The following ROS1 variants were observed in gnomAD, a reference collection of about 807,000 sequenced individuals.
ROS1 encodes the protein proto-oncogene tyrosine-protein kinase ROS.
ROS1 carries 263 observed loss-of-function variants against 273.5 expected under a neutral mutation model. The ratio of observed to expected loss-of-function variants is 0.96; its 90% CI spans 0.87 to 1.06. The LOEUF (loss-of-function observed/expected upper bound fraction) is 1.06, where lower values mean the gene tolerates loss of function less well. ROS1 is among the 50% of genes least tolerant of loss of function. The probability of loss-of-function intolerance (pLI) is 0.00; values close to 1 mark genes in which losing one functional copy is unlikely to be tolerated. For missense variants in ROS1, 2,833 were observed against 2,751.1 expected, an observed-to-expected ratio of 1.03 and a Z score of -0.67; for synonymous variants, 1,008 against 954.1, an observed-to-expected ratio of 1.06 and a Z score of -1.04.
chr6:117,349,516 TCAAA>T lies in ROS1; in HGVS notation c.4303+3470_4303+3473del, dbSNP rs560081602. The stretch of plus-strand genomic sequence containing the variant: ...TAGTTGAGTCTGTTTGTTGATCCAC[TCAAA>T]CAACTTCTGTCTTTTAGTTGGTGTA... On this transcript the variant is annotated intron_variant, in intron 27 of 43. Transcript: ENST00000368507. Among the ~76,000 whole-genome samples, 380 of 152,154 alleles carry T rather than the reference TCAAA, an allele frequency of 2.5e-3. 3 individuals carry two copies. The highest frequency in any genetic ancestry group is 8.7e-3 in the African/African-American group (362 of 41,578).
chr6:117,425,424 T>C, intron 1 of ROS1, 110 bp downstream of exon 1: 1 of 1,120,726 alleles, frequency 8.9e-7, no homozygotes, highest in Non-Finnish European at 1.2e-6. Context: ...TTGCCACCAC[T>C]TCTCATAAGA....
At position 117,362,609 on chromosome 6, in the gene ROS1, G is replaced by A. The variant is rs1779894348; in HGVS notation, c.3360C>T (p.Ala1120=). ...LEGMSPRCFI[A]FQVRAFTSKG... ...TCTGTTTTCTCTCTCATACCTGGAA[G>A]GCAATAAAGCATCTGGGACTCATGC... The change falls in exon 22 of 44, where the codon GCC becomes GCT. Residue 1120 remains alanine, a synonymous_variant. Coordinates refer to ENST00000368507, the MANE Select transcript of ROS1 (RefSeq NM_001378902.1). 1 of 1,612,098 alleles carries A rather than the reference G, an allele frequency of 6.2e-7. No individual in the cohort carries two copies. Among genetic ancestry groups the A allele is most frequent in the Non-Finnish European group, 8.5e-7 (1 of 1,179,218 alleles).
intron 25 of ROS1, among the ~76,000 whole-genome samples, 185 bp from the exon 26 acceptor site, chr6:117,357,100 T>C (rs901976388): frequency 1.3e-5 from 2 of 152,234 alleles, no homozygotes; most frequent in Non-Finnish European, 2.9e-5. Flanking sequence ...GTCTAACTTG[T>C]AGCATTTCCA....
Position 117,416,300 on chromosome 6 carries a change from G to A in ROS1, c.186C>T (p.His62=). The change falls in exon 3 of 44, where the codon CAC becomes CAT. Residue 62 remains histidine (H), a synonymous_variant. Transcript: ENST00000368507. ...NLSEPCIQGC[H]FWNSVDQKNC... is the part of the protein sequence containing the mutation. ...TTTTCTGATCTACAGAGTTCCAAAAGTGACATCCTTGGATACACTGCAAGA... is the reference window on the plus strand; with the variant it reads ...TTTTCTGATCTACAGAGTTCCAAAAATGACATCCTTGGATACACTGCAAGA... The A allele has an allele frequency of 6.2e-7, 1 of 1,602,792 alleles. No individual in the cohort carries two copies. The highest frequency in any genetic ancestry group is 1.1e-5 in the South Asian group (1 of 90,818).
intron 34 of ROS1, 80 bp from the exon 35 acceptor site, chr6:117,324,495 A>G: frequency 1.5e-6 from 1 of 662,088 alleles, no homozygotes; most frequent in East Asian, 2.9e-5. Flanking sequence ...CACACAGAGT[A>G]ATATAGCAGA....
At chr6:117,313,993 G>C (rs76445734) in intron 39 of ROS1, among the ~76,000 whole-genome samples, 58 of 152,108 alleles carry the variant, frequency 3.8e-4, no homozygotes, top group East Asian at 1.2e-3. Context: ...GTGCATGTGA[G>C]AACCAATCTT....
chr6:117,406,804 CTG>C (rs1283853135), intron 5 of ROS1, among the ~76,000 whole-genome samples: 1 of 152,114 alleles, frequency 6.6e-6, no homozygotes, highest in African/African-American at 2.4e-5. Context: ...AAAGATAAAA[CTG>C]TATATTTATT....
chr6:117,394,635 A>G lies in ROS1; in HGVS notation c.987T>C (p.Ala329=), dbSNP rs1298884292. Residue 329 remains alanine, a synonymous_variant, in exon 10 of 44, where the codon GCT becomes GCC. Coordinates refer to ENST00000368507, the MANE Select transcript of ROS1 (RefSeq NM_001378902.1). ...VDEAHCLRLD[A]IYHNITGISV... ...ACTGACCTGTAATATTATGGTATAT[A>G]GCATCCAACCGAAGGCAATGTGCTT... 1 of 1,610,968 alleles carries G rather than the reference A, an allele frequency of 6.2e-7. No individual in the cohort carries two copies. The highest frequency in any genetic ancestry group is 1.7e-5 in the Admixed American group (1 of 59,920).
chr6:117,377,688 T>G (rs1417118414), intron 18 of ROS1, among the ~76,000 whole-genome samples: 2 of 151,928 alleles, frequency 1.3e-5, no homozygotes, highest in Non-Finnish European at 2.9e-5. Flanking sequence ...GCACAGAATA[T>G]AGAAAATGCA....
Position 117,366,079 on chromosome 6 carries a change from G to T in ROS1, c.2794C>A (p.Pro932Thr), listed in dbSNP as rs768716438. 15 of 1,610,024 alleles carry T rather than the reference G, an allele frequency of 9.3e-6. No individual in the cohort carries two copies. Among genetic ancestry groups the T allele is most frequent in the Non-Finnish European group, 1.2e-5 (14 of 1,176,236 alleles). The change falls in exon 19 of 44, where the codon CCA (proline) becomes ACA (threonine). Residue 932 changes from proline to threonine, a missense_variant. Transcript: ENST00000368507. Reference protein sequence around the residue: ...TIIQTSLKPLPGNFSFTPKVI... With the variant: ...TIIQTSLKPLTGNFSFTPKVI... ...AAGCAGGAATGAAATACTGTACCTG[G>T]CAGGGGCTTAAGGGATGTCTGAATA...
At chr6:117,329,909 T>G (rs1776950611) in intron 32 of ROS1, among the ~76,000 whole-genome samples, 1 of 152,108 alleles carries the variant, frequency 6.6e-6, no homozygotes, top group African/African-American at 2.4e-5. Flanking sequence ...ATGTACAGAT[T>G]CTTATGGCCT....
chr6:117,417,272 G>A (rs752011990), intron 2 of ROS1, among the ~76,000 whole-genome samples: 1 of 151,878 alleles, frequency 6.6e-6, no homozygotes, highest in Non-Finnish European at 1.5e-5. Flanking sequence ...TCCCATTAAC[G>A]CGTTACATTC....
intron 43 of ROS1, among the ~76,000 whole-genome samples, chr6:117,289,127 G>A (rs747817374): frequency 3.1e-4 from 47 of 152,224 alleles, no homozygotes; most frequent in South Asian, 4.1e-4. Context: ...CTTAACAAGC[G>A]GAGCAAGTCG....
chr6:117,336,753 T>A (rs1020202208), intron 32 of ROS1, among the ~76,000 whole-genome samples: 1 of 152,242 alleles, frequency 6.6e-6, no homozygotes, highest in Admixed American at 6.5e-5. Flanking sequence ...TCCATTCTTA[T>A]AGAGCTCATC....
intron 10 of ROS1, 113 bp from the exon 11 acceptor site, chr6:117,394,459 T>TA: frequency 1.2e-6 from 1 of 850,872 alleles, no homozygotes; most frequent in Non-Finnish European, 1.6e-6. Flanking sequence ...AGAAGTATTT[T>TA]ATTTTAAAAG....
intron 12 of ROS1, among the ~76,000 whole-genome samples, chr6:117,391,372 G>T (rs2128707598): frequency 1.3e-5 from 2 of 152,184 alleles, no homozygotes; most frequent in East Asian, 3.9e-4. Flanking sequence ...ATTGAAGCAG[G>T]GAGGAAGAGA....
At chr6:117,304,398 T>A (rs1198894621) in intron 42 of ROS1, among the ~76,000 whole-genome samples, 1 of 152,228 alleles carries the variant, frequency 6.6e-6, no homozygotes, top group African/African-American at 2.4e-5. Flanking sequence ...AAGCTGTGAT[T>A]CAAAAATATT....
At chr6:117,415,383 A>G (rs1470485337) in intron 3 of ROS1, among the ~76,000 whole-genome samples, 1 of 152,238 alleles carries the variant, frequency 6.6e-6, no homozygotes, top group African/African-American at 2.4e-5. Context: ...TTTAAATCTC[A>G]ATGTTATAAT....
At chr6:117,400,184 C>T (rs1773830039) in intron 7 of ROS1, among the ~76,000 whole-genome samples, 1 of 152,192 alleles carries the variant, frequency 6.6e-6, no homozygotes, top group Non-Finnish European at 1.5e-5. Context: ...CTTTTCTCTC[C>T]TCACCTCATG....
Sources: allele counts gnomAD v4.1 joint callset (sites outside exome capture counted in the v4.1 genomes callset), GRCh38; gene constraint gnomAD v4.1.1; transcripts MANE v1.5; gene names NCBI Gene and HGNC (gene_info 2026-07-23, HGNC 2026-07-21).